Variants in TTC29 observed in about 807,000 individuals in gnomAD.
TTC29 encodes the protein tetratricopeptide repeat domain 29.
Under a neutral mutation model 58.1 loss-of-function variants are expected in TTC29, and 49 were observed. The ratio of observed to expected loss-of-function variants is 0.84; its 90% CI spans 0.67 to 1.07. TTC29 has a LOEUF of 1.07. TTC29 is among the 50% of genes least tolerant of loss of function. TTC29 has a pLI of 0.00. For synonymous variants in TTC29, 209 were observed against 196.8 expected, an observed-to-expected ratio of 1.06 and a Z score of -0.52; for missense variants, 582 against 555.6, an observed-to-expected ratio of 1.05 and a Z score of -0.48.
chr4:146,738,390 C>G (rs1024031958), intron 11 of TTC29, among the ~76,000 whole-genome samples: 1 of 152,156 alleles, frequency 6.6e-6, no homozygotes, highest in Non-Finnish European at 1.5e-5. Flanking sequence ...TTTGCCAAGA[C>G]CACTCCTGCT....
intron 11 of TTC29, among the ~76,000 whole-genome samples, chr4:146,717,230 C>A (rs1001734733): frequency 6.6e-6 from 1 of 152,058 alleles, no homozygotes; most frequent in Non-Finnish European, 1.5e-5. Context: ...GGATTGAGAA[C>A]ATATTTTGTA....
rs1044745624 is a variant in TTC29, at chr4:146,707,475, T to C, written c.1397+10A>G. The C allele has an allele frequency of 2.5e-6, 4 of 1,604,162 alleles. No individual in the cohort carries two copies. The African/African-American group carries it at 5.4e-5, about 21-fold the overall frequency. On this transcript the variant is annotated intron_variant, in intron 12 of 12. Transcript: ENST00000325106. ...TACTTAATAGAAACTTTTTACTTGA[T>C]TTATCATACCTACTGAGTTCTTCCA...
intron 8 of TTC29, among the ~76,000 whole-genome samples, chr4:146,845,604 A>G (rs1449441576): frequency 6.6e-6 from 1 of 152,198 alleles, no homozygotes; most frequent in Non-Finnish European, 1.5e-5. Flanking sequence ...CCAAACAGGT[A>G]TTGTCACTTG....
At chr4:146,859,205 C>T (rs537302617) in intron 8 of TTC29, among the ~76,000 whole-genome samples, 106 of 152,078 alleles carry the variant, frequency 7.0e-4, no homozygotes, top group Non-Finnish European at 1.2e-3. Flanking sequence ...ATGGGGTATC[C>T]ATCAGAAGAT....
At chr4:146,778,259 T>A (rs200182476) in intron 11 of TTC29, among the ~76,000 whole-genome samples, 1 of 152,172 alleles carries the variant, frequency 6.6e-6, no homozygotes, top group East Asian at 1.9e-4. Flanking sequence ...TATTTAAGGT[T>A]ATAAATTCCC....
rs149664313 is a variant in TTC29 at position 146,747,509 on chromosome 4, C to T, written c.1331-39958G>A. ...CACCCTCCACATAGGGTAAAGTTGC[C>T]CCACCCCTGGGAACATGGAGACTTT... On this transcript the variant is annotated intron_variant, in intron 11 of 12. Transcript: ENST00000325106. Among the ~76,000 whole-genome samples the T allele has an allele frequency of 2.4e-3, 371 of 152,254 alleles. 3 individuals are homozygous for T. The highest frequency in any genetic ancestry group is 8.6e-3 in the African/African-American group (359 of 41,534).
chr4:146,766,857 T>C (rs1747360545), intron 11 of TTC29, among the ~76,000 whole-genome samples: 1 of 152,082 alleles, frequency 6.6e-6, no homozygotes, highest in Non-Finnish European at 1.5e-5. Context: ...AGTTAGGTAG[T>C]GGGCAATTGA....
chr4:146,814,355 G>T (rs1424480888), intron 10 of TTC29, among the ~76,000 whole-genome samples: 2 of 145,348 alleles, frequency 1.4e-5, no homozygotes, highest in Non-Finnish European at 3.0e-5. Flanking sequence ...GCTGAAGCAG[G>T]AGAATCCTTT....
chr4:146,924,522 G>A (rs1057353788), intron 4 of TTC29, among the ~76,000 whole-genome samples: 2 of 151,782 alleles, frequency 1.3e-5, no homozygotes, highest in African/African-American at 2.4e-5. Context: ...CATCTAAGTC[G>A]TTGAGTTTAT....
intron 4 of TTC29, among the ~76,000 whole-genome samples, chr4:146,932,871 A>G (rs1553942876): frequency 6.6e-6 from 1 of 152,138 alleles, no homozygotes; most frequent in Non-Finnish European, 1.5e-5. Context: ...CCTGGCCAAC[A>G]TGGTGAAACC....
chr4:146,728,341 G>C (rs1294785594), intron 11 of TTC29, among the ~76,000 whole-genome samples: 1 of 151,126 alleles, frequency 6.6e-6, no homozygotes, highest in African/African-American at 2.4e-5. Context: ...AATCTAACCA[G>C]TCACTCAGTG....
At chr4:146,731,690 G>T (rs1313357312) in intron 11 of TTC29, among the ~76,000 whole-genome samples, 1 of 152,118 alleles carries the variant, frequency 6.6e-6, no homozygotes. Flanking sequence ...TTGACAAATT[G>T]GGAAAATTGG....
At chr4:146,906,020 C>G (rs1206567745) in intron 5 of TTC29, among the ~76,000 whole-genome samples, 4 of 152,066 alleles carry the variant, frequency 2.6e-5, no homozygotes, top group African/African-American at 9.7e-5. Context: ...ATTTAAAAGT[C>G]AAGTGTAAAT....
At chr4:146,881,519 C>T (rs1731623249) in intron 6 of TTC29, among the ~76,000 whole-genome samples, 1 of 152,020 alleles carries the variant, frequency 6.6e-6, no homozygotes, top group African/African-American at 2.4e-5. Flanking sequence ...TTCTGTACAA[C>T]ATAGAGATAA....
At chr4:146,732,829 T>TA (rs1744439926) in intron 11 of TTC29, among the ~76,000 whole-genome samples, 1 of 152,148 alleles carries the variant, frequency 6.6e-6, no homozygotes, top group Admixed American at 6.6e-5. Flanking sequence ...ACAGCCTTAT[T>TA]ACCTGAGATT....
intron 11 of TTC29, among the ~76,000 whole-genome samples, chr4:146,761,241 C>T (rs1746874219): frequency 6.6e-6 from 1 of 151,788 alleles, no homozygotes; most frequent in Admixed American, 6.6e-5. Context: ...GAAAAAAATA[C>T]AAACTAACCA....
At chr4:146,769,505 G>A (rs1747563124) in intron 11 of TTC29, among the ~76,000 whole-genome samples, 1 of 151,978 alleles carries the variant, frequency 6.6e-6, no homozygotes, top group African/African-American at 2.4e-5. Flanking sequence ...CTAAAATAGG[G>A]ATTAAGCATA....
intron 7 of TTC29, among the ~76,000 whole-genome samples, chr4:146,874,170 G>A (rs779743209): frequency 6.6e-6 from 1 of 152,092 alleles, no homozygotes; most frequent in African/African-American, 2.4e-5. Context: ...TGAGGATCCT[G>A]CTGCAGTAGG....
rs1046917720 is a variant in TTC29 at position 146,872,245 on chromosome 4, C to T, written c.799+2471G>A. 3.3e-5 allele frequency among the ~76,000 whole-genome samples: 5 copies of T among 151,974 alleles called. No homozygotes were observed. In the East Asian group the frequency reaches 9.6e-4, roughly 29 times the overall value. On this transcript the variant is annotated intron_variant, in intron 7 of 12. Transcript: ENST00000325106. ...CTCACACCACATGTGCACACACACA[C>T]ACATGAAAATAGATGATAAGATTAA...
Sources: gnomAD v4.1 joint callset for allele counts (sites outside exome capture counted in the v4.1 genomes callset) on GRCh38, gnomAD v4.1.1 for gene constraint, MANE v1.5 for transcripts, NCBI Gene and HGNC (gene_info 2026-07-23, HGNC 2026-07-21) for gene names.